Variants in NDUFV3 observed in about 807,000 individuals in gnomAD.
The protein encoded by NDUFV3 is NADH:ubiquinone oxidoreductase subunit V3, also known as NADH dehydrogenase [ubiquinone] flavoprotein 3, mitochondrial.
In NDUFV3, 44 loss-of-function variants were observed where a neutral mutation model predicts 37.5. The observed-to-expected ratio is 1.17, with a 90% CI of 0.92 to 1.51. NDUFV3 has a LOEUF of 1.51. NDUFV3 is among the 40% of genes most tolerant of loss of function. The pLI, the probability that NDUFV3 is intolerant of heterozygous loss-of-function variation, is 0.00. For synonymous variants in NDUFV3, 235 were observed against 239.3 expected (o/e 0.98, Z 0.17); for missense variants, 580 against 580.4 (o/e 1.00, Z 0.01).
In NDUFV3 at chr21:42,893,341, C is replaced by T. The variant is rs777553859; in HGVS notation, c.8C>T (p.Ala3Val). 12 of 1,538,366 alleles carry T rather than the reference C, an allele frequency of 7.8e-6. No individual in the cohort carries two copies. The highest frequency in any genetic ancestry group is 1.2e-5 in the South Asian group (1 of 83,964). The change falls in exon 1 of 4, where the codon GCC becomes GTC. Residue 3 changes from alanine to valine, a missense_variant. Coordinates refer to ENST00000354250, the MANE Select transcript of NDUFV3 (RefSeq NM_021075.4). MA[A>V]PCLLRQGRAG... Reference sequence around the variant, plus strand: ...GCGCCCGCTGTCACCGCCATGGCTGCCCCGTGTTTGCTGCGGCAAGGACGA... The same window carrying T: ...GCGCCCGCTGTCACCGCCATGGCTGTCCCGTGTTTGCTGCGGCAAGGACGA...
At chr21:42,895,017 T>C (rs748862422) in intron 1 of NDUFV3, among the ~76,000 whole-genome samples, 2 of 152,190 alleles carry the variant, frequency 1.3e-5, no homozygotes, top group Non-Finnish European at 2.9e-5. Flanking sequence ...AGTGGCCAGA[T>C]AGTATTTCTT....
intron 1 of NDUFV3, among the ~76,000 whole-genome samples, chr21:42,894,343 T>TATATATATATA (rs2058673030): frequency 2.0e-5 from 1 of 51,160 alleles, no homozygotes; most frequent in Non-Finnish European, 3.2e-5. Context: ...ATTATATATA[T>TATATATATATA]TATATATAAA....
chr21:42,903,988 C>A lies in NDUFV3; in HGVS notation c.976C>A (p.Pro326Thr). The stretch of plus-strand genomic sequence containing the variant: ...AGCAGAGGGGCAGCTGCAAGCCAGT[C>A]CTCCTGGGGCGGCAGAGGGGCATCT... ...ARAEGQLQAS[P>T]PGAAEGHLEK... Residue 326 changes from proline (P) to threonine (T), a missense_variant, in exon 3 of 4, where the codon CCT becomes ACT. Physicochemically the swap from Pro to Thr is conservative, Grantham distance 38 (BLOSUM62 -1). Coordinates refer to ENST00000354250, the MANE Select transcript of NDUFV3 (RefSeq NM_021075.4). The A allele has an allele frequency of 6.2e-7, 1 of 1,614,094 alleles. No homozygotes were observed. The highest frequency in any genetic ancestry group is 2.2e-5 in the East Asian group (1 of 44,880).
chr21:42,902,893 A>G (rs1181618957), intron 2 of NDUFV3, among the ~76,000 whole-genome samples: 1 of 152,180 alleles, frequency 6.6e-6, no homozygotes, highest in Non-Finnish European at 1.5e-5. Context: ...TCATCTCTAG[A>G]TTACTTATAA....
In NDUFV3 at chr21:42,893,625, G is replaced by A. The variant is rs550398949; in HGVS notation, c.48+244G>A. ...GCCGCCGCTGCCCGAGGCCCAGGCCGAGGCTGGCGTGCCCCGTGCCGACGG... is the reference window on the plus strand; with the variant it reads ...GCCGCCGCTGCCCGAGGCCCAGGCCAAGGCTGGCGTGCCCCGTGCCGACGG... On this transcript the variant is annotated intron_variant, in intron 1 of 3. Transcript: ENST00000354250. Among the ~76,000 whole-genome samples the A allele has an allele frequency of 3.8e-3, 586 of 152,280 alleles. 4 individuals carry two copies. Among genetic ancestry groups the A allele is most frequent in the African/African-American group, 0.013 (540 of 41,568 alleles).
At chr21:42,899,277 G>GTTTTTTTTGTTT (rs1555849019) in intron 2 of NDUFV3, among the ~76,000 whole-genome samples, 3 of 141,164 alleles carry the variant, frequency 2.1e-5, no homozygotes, top group African/African-American at 8.0e-5. Flanking sequence ...GTTGTATCTT[G>GTTTTTTTTGTTT]TTTTTTTTTG....
At chr21:42,908,225 T>G (rs1363182938) in intron 3 of NDUFV3, among the ~76,000 whole-genome samples, 2 of 151,854 alleles carry the variant, frequency 1.3e-5, no homozygotes, top group African/African-American at 4.8e-5. Flanking sequence ...GAGAATCACT[T>G]GAAGCTGGGA....
intron 2 of NDUFV3, among the ~76,000 whole-genome samples, chr21:42,897,941 G>T (rs907353082): frequency 1.7e-4 from 26 of 152,322 alleles, no homozygotes; most frequent in Admixed American, 9.1e-4. Context: ...CTCCCAGAGT[G>T]CTGGAATTAC....
intron 1 of NDUFV3, among the ~76,000 whole-genome samples, chr21:42,893,995 C>A (rs1298157181): frequency 6.6e-6 from 1 of 152,004 alleles, no homozygotes; most frequent in Non-Finnish European, 1.5e-5. Flanking sequence ...CCAGGCGGAT[C>A]GCTTGAGTTC....
Position 42,908,998 on chromosome 21 carries a change from G to A in NDUFV3, c.1399G>A (p.Gly467Ser). The change falls in exon 4 of 4, where the codon GGC becomes AGC. Residue 467 changes from glycine to serine, a missense_variant. Transcript: ENST00000354250. ...ATTCAGGATGCCTCAGCCCTCCTCAGGCCGGGAGTCACCTCGACACTGAGG... is the reference window on the plus strand; with the variant it reads ...ATTCAGGATGCCTCAGCCCTCCTCAAGCCGGGAGTCACCTCGACACTGAGG... ...SKFRMPQPSS[G>S]RESPRH 1 of 1,613,934 alleles carries A rather than the reference G, an allele frequency of 6.2e-7. No homozygotes were observed. The highest frequency in any genetic ancestry group is 1.1e-5 in the South Asian group (1 of 91,076).
chr21:42,898,914 G>A (rs1157718960), intron 2 of NDUFV3, among the ~76,000 whole-genome samples: 1 of 152,210 alleles, frequency 6.6e-6, no homozygotes, highest in African/African-American at 2.4e-5. Flanking sequence ...GGATTAAATG[G>A]ATTTTAAAAT....
chr21:42,908,184 G>A (rs1243618954), intron 3 of NDUFV3, among the ~76,000 whole-genome samples: 3 of 151,988 alleles, frequency 2.0e-5, no homozygotes, highest in Non-Finnish European at 4.4e-5. Context: ...GCAGACGCCT[G>A]TAATCCCAGC....
chr21:42,896,360 G>C (rs1192579911), intron 1 of NDUFV3, among the ~76,000 whole-genome samples: 1 of 147,734 alleles, frequency 6.8e-6, no homozygotes, highest in African/African-American at 2.4e-5. Context: ...GTTTCACCGT[G>C]TTAGCCAGGA....
chr21:42,893,683 A>G (rs1368737761), intron 1 of NDUFV3, among the ~76,000 whole-genome samples: 1 of 152,164 alleles, frequency 6.6e-6, no homozygotes, highest in Non-Finnish European at 1.5e-5. Context: ...TGGGCGGCAG[A>G]CTCGGGTGGA....
rs984188824 is a variant in NDUFV3, at chr21:42,909,096, A to G, written c.*75A>G. 2.2e-4 allele frequency: 306 copies of G among 1,390,164 alleles called. 1 individual carries two copies. The highest frequency in any genetic ancestry group is 2.9e-4 in the Non-Finnish European group (287 of 992,762). The allele number at this position is 1,390,164 out of a possible 1,614,324, so 86.1% of individuals were successfully genotyped here. A position where few individuals can be genotyped will look rare whatever the true frequency, so the allele number is the denominator to read the frequency against. ...AGTGCAAAAATAAAATCCACTCAAGAGTCACAAGGCCCGCTGTGCATAATC... is the reference window on the plus strand; with the variant it reads ...AGTGCAAAAATAAAATCCACTCAAGGGTCACAAGGCCCGCTGTGCATAATC... On this transcript the variant is annotated 3_prime_UTR_variant, in exon 4 of 4. Transcript: ENST00000354250.
At chr21:42,896,887 C>T in intron 1 of NDUFV3, 40 bp from the exon 2 acceptor site, 3 of 1,590,418 alleles carry the variant, frequency 1.9e-6, no homozygotes, top group Non-Finnish European at 2.6e-6. Context: ...ATTATAATGG[C>T]ATTACTCTAA....
Position 42,907,316 on chromosome 21 carries a change from T to C in NDUFV3, c.1265-1548T>C, listed in dbSNP as rs181790699. ...AAAATTTTTTATTTGACAGACGTGC[T>C]CTGTCCCACAGGCTGGAGTGCAGTG... is the stretch of plus-strand genomic sequence containing the variant. On this transcript the variant is annotated intron_variant, in intron 3 of 3. Coordinates refer to ENST00000354250, the MANE Select transcript of NDUFV3 (RefSeq NM_021075.4). Among the ~76,000 whole-genome samples, 114 of 152,320 alleles carry C rather than the reference T, an allele frequency of 7.5e-4. 4 individuals carry two copies. The highest frequency in any genetic ancestry group is 2.9e-4 in the Non-Finnish European group (20 of 68,040).
intron 2 of NDUFV3, among the ~76,000 whole-genome samples, chr21:42,902,316 CTT>C (rs1482661990): frequency 1.3e-5 from 2 of 152,060 alleles, no homozygotes; most frequent in Non-Finnish European, 2.9e-5. Flanking sequence ...ATTTGAGTAA[CTT>C]TATTCTCTAA....
chr21:42,899,106 G>A (rs1428935306), intron 2 of NDUFV3, among the ~76,000 whole-genome samples: 1 of 152,134 alleles, frequency 6.6e-6, no homozygotes, highest in Non-Finnish European at 1.5e-5. Context: ...GCAGGCCTCT[G>A]AGCCTCGGTT....
Sources: allele counts gnomAD v4.1 joint callset (sites outside exome capture counted in the v4.1 genomes callset), GRCh38; gene constraint gnomAD v4.1.1; transcripts MANE v1.5; gene names NCBI Gene and HGNC (gene_info 2026-07-23, HGNC 2026-07-21).